Variants in KCNN2 observed in about 807,000 individuals in gnomAD.
KCNN2 encodes the protein potassium calcium-activated channel subfamily N member 2.
A neutral mutation model predicts 55.5 loss-of-function variants in KCNN2; 24 were observed. The observed-to-expected ratio is 0.43, with a 90% CI of 0.31 to 0.61. The LOEUF (loss-of-function observed/expected upper bound fraction) is 0.61, where lower values mean the gene tolerates loss of function less well. Among genes scored for constraint, KCNN2 ranks in the 20% least tolerant of loss-of-function variants. The pLI is 0.08. For missense variants in KCNN2, 754 were observed against 853.6 expected, an observed-to-expected ratio of 0.88 and a Z score of 1.45; for synonymous variants, 431 against 336.1, an observed-to-expected ratio of 1.28 and a Z score of -3.09.
At chr5:114,276,506 G>A (rs1755490781) in intron 2 of KCNN2, among the ~76,000 whole-genome samples, 1 of 152,000 alleles carries the variant, frequency 6.6e-6, no homozygotes, top group East Asian at 1.9e-4. Flanking sequence ...TATGAATCTG[G>A]GTGCTCCTGT....
chr5:114,347,268 ATACT>A (rs1364318008), intron 2 of KCNN2, among the ~76,000 whole-genome samples: 9 of 152,322 alleles, frequency 5.9e-5, no homozygotes, highest in African/African-American at 1.9e-4. Context: ...ATCTTATAAG[ATACT>A]TACTAACTGT....
rs183693107 is a variant in KCNN2 at position 114,078,508 on chromosome 5, G to A, written c.-271+22008G>A. On this transcript the variant is annotated intron_variant, in intron 1 of 10. Transcript: ENST00000512097. ...CCAGGATCCTTCCCTCACGCTCTGA[G>A]CCCTGATGAAGACAGATGATCAGCA... 4.9e-3 allele frequency among the ~76,000 whole-genome samples: 747 copies of A among 152,280 alleles called. 4 individuals carry two copies. Among genetic ancestry groups the A allele is most frequent in the Non-Finnish European group, 7.8e-3 (528 of 68,020 alleles).
chr5:114,258,571 A>C (rs890426454), intron 2 of KCNN2, among the ~76,000 whole-genome samples: 3 of 151,578 alleles, frequency 2.0e-5, no homozygotes, highest in Middle Eastern at 3.4e-3. Flanking sequence ...CAATCTTGGG[A>C]GGTTGTATTT....
intron 1 of KCNN2, among the ~76,000 whole-genome samples, chr5:114,119,929 G>T (rs1751792325): frequency 6.6e-6 from 1 of 152,058 alleles, no homozygotes; most frequent in Non-Finnish European, 1.5e-5. Context: ...GAGATCATCA[G>T]CATCATGCCA....
At chr5:114,192,745 A>G (rs1580606268) in intron 1 of KCNN2, among the ~76,000 whole-genome samples, 1 of 152,136 alleles carries the variant, frequency 6.6e-6, no homozygotes. Flanking sequence ...TAAAGAACTC[A>G]AATCCTATAT....
chr5:114,225,325 T>C (rs1358347911), intron 2 of KCNN2, among the ~76,000 whole-genome samples: 1 of 152,066 alleles, frequency 6.6e-6, no homozygotes, highest in Non-Finnish European at 1.5e-5. Flanking sequence ...AAGACAGATA[T>C]TAAAAATGAC....
chr5:114,203,146 AT>A (rs1753707586), intron 1 of KCNN2, among the ~76,000 whole-genome samples: 1 of 152,024 alleles, frequency 6.6e-6, no homozygotes, highest in South Asian at 2.1e-4. Context: ...AAAGGTTTTA[AT>A]TTTTTGGCTC....
intron 4 of KCNN2, among the ~76,000 whole-genome samples, chr5:114,465,802 T>C (rs1037331984): frequency 2.0e-4 from 30 of 152,220 alleles, no homozygotes; most frequent in Admixed American, 2.0e-4. Flanking sequence ...TCCTAATTAA[T>C]TGACTTGATC....
At chr5:114,107,281 T>G (rs56775401) in intron 1 of KCNN2, among the ~76,000 whole-genome samples, 23,970 of 122,716 alleles carry the variant, frequency 0.2, 2,123 homozygotes, top group Non-Finnish European at 0.26. Context: ...TACCATAGTG[T>G]TTTTTTTACT....
intron 2 of KCNN2, among the ~76,000 whole-genome samples, chr5:114,334,304 GTGTGTA>G (rs1354377329): frequency 7.6e-6 from 1 of 131,738 alleles, no homozygotes; most frequent in Admixed American, 7.8e-5. Context: ...GTGTGTGTGT[GTGTGTA>G]TAAGGCTCTG....
chr5:114,074,991 G>C (rs116694799), intron 1 of KCNN2, among the ~76,000 whole-genome samples: 7 of 152,168 alleles, frequency 4.6e-5, no homozygotes, highest in Non-Finnish European at 5.9e-5. Context: ...ACACAAGAAG[G>C]CAGGTTCATT....
chr5:114,362,776 A>C lies in KCNN2; in HGVS notation c.637A>C (p.Met213Leu), dbSNP rs1296103242. The C allele has an allele frequency of 1.3e-6, 2 of 1,586,036 alleles. No individual in the cohort carries two copies. The highest frequency in any genetic ancestry group is 1.7e-6 in the Non-Finnish European group (2 of 1,171,894). The change falls in exon 1 of 8, where the codon ATG becomes CTG. Residue 213 changes from methionine (M) to leucine (L), a missense_variant. Coordinates refer to ENST00000673685, the MANE Select transcript of KCNN2 (RefSeq NM_021614.4). ...GAGCAACCCCTTCACCGAAATAGCC[A>C]TGAGCAGCTGCAGGTACAACGGGGG... ...RESNPFTEIA[M>L]SSCRYNGGVM... is the part of the protein sequence containing the mutation.
intron 2 of KCNN2, among the ~76,000 whole-genome samples, chr5:114,296,467 A>T (rs1186872022): frequency 6.6e-6 from 1 of 152,226 alleles, no homozygotes; most frequent in African/African-American, 2.4e-5. Context: ...AGAAAGTCTC[A>T]TTGCTGAGGC....
intron 1 of KCNN2, among the ~76,000 whole-genome samples, chr5:114,172,446 C>G (rs1389412006): frequency 6.6e-6 from 1 of 151,678 alleles, no homozygotes; most frequent in East Asian, 1.9e-4. Context: ...TCTATTTTAG[C>G]TATCACTGGG....
At chr5:114,105,005 TCTC>T (rs1452108327) in intron 1 of KCNN2, among the ~76,000 whole-genome samples, 1 of 152,048 alleles carries the variant, frequency 6.6e-6, no homozygotes, top group Non-Finnish European at 1.5e-5. Flanking sequence ...TATTCTGTCT[TCTC>T]TTCTGATTCA....
At chr5:114,332,969 G>C (rs899937023) in intron 2 of KCNN2, among the ~76,000 whole-genome samples, 2 of 152,036 alleles carry the variant, frequency 1.3e-5, no homozygotes, top group Non-Finnish European at 2.9e-5. Flanking sequence ...ATTTCTTCCT[G>C]CCTGGATTTA....
rs1036876405 is a variant in KCNN2, at chr5:114,272,360, T to C, written c.-185+50795T>C. 9.2e-5 allele frequency among the ~76,000 whole-genome samples: 11 copies of C among 119,506 alleles called. 2 individuals carry two copies. Among genetic ancestry groups the C allele is most frequent in the African/African-American group, 3.5e-4 (11 of 31,794 alleles). The allele number at this position is 119,506 out of a possible 152,430, so 78.4% of individuals were successfully genotyped here. On this transcript the variant is annotated intron_variant, in intron 2 of 10. Coordinates refer to the KCNN2 transcript ENST00000512097. The stretch of plus-strand genomic sequence containing the variant: ...CACACATATATGTATGTACATACCA[T>C]ATACACACACATATGTATGTACATA...
At chr5:114,478,938 A>G (rs1377704972) in intron 5 of KCNN2, among the ~76,000 whole-genome samples, 1 of 152,208 alleles carries the variant, frequency 6.6e-6, no homozygotes, top group Non-Finnish European at 1.5e-5. Flanking sequence ...CACCCACTAC[A>G]AAAACATACC....
At chr5:114,392,711 AC>A (rs1265059728) in intron 2 of KCNN2, among the ~76,000 whole-genome samples, 1 of 151,820 alleles carries the variant, frequency 6.6e-6, no homozygotes, top group Non-Finnish European at 1.5e-5. Context: ...TGTGATGGGC[AC>A]CTGTAGTCTC....
Sources: gnomAD v4.1 joint callset for allele counts (sites outside exome capture counted in the v4.1 genomes callset) on GRCh38, gnomAD v4.1.1 for gene constraint, MANE v1.5 for transcripts, NCBI Gene and HGNC (gene_info 2026-07-23, HGNC 2026-07-21) for gene names.